TRAP1: variants seen among roughly 807,000 people sequenced by gnomAD.
TRAP1 encodes TNF receptor associated protein 1.
TRAP1 carries 102 observed loss-of-function variants against 89.1 expected under a neutral mutation model. That is an observed-to-expected ratio of 1.15 (90% CI 0.98 to 1.35). TRAP1 has a LOEUF of 1.35. TRAP1 is among the 40% of genes most tolerant of loss of function. The probability of loss-of-function intolerance (pLI) is 0.00; values close to 1 mark genes in which losing one functional copy is unlikely to be tolerated. For synonymous variants in TRAP1, 508 were observed against 388.0 expected (o/e 1.31, Z -3.64); for missense variants, 1,256 against 945.3 (o/e 1.33, Z -4.31).
chr16:3,662,958 C>T lies in TRAP1; in HGVS notation c.1718G>A (p.Cys573Tyr). 2 of 1,610,264 alleles carry T rather than the reference C, an allele frequency of 1.2e-6. No individual in the cohort carries two copies. Among genetic ancestry groups the T allele is most frequent in the Non-Finnish European group, 1.7e-6 (2 of 1,179,824 alleles). Residue 573 changes from cysteine to tyrosine, a missense_variant, in exon 15 of 18, where the codon TGC (cysteine) becomes TAC (tyrosine). Cys to Tyr is a radical substitution (Grantham distance 194). Transcript: ENST00000246957. ...CTCCTCCGTCTCCTTCTCTGATAGG[C>T]ACTCGGCGGCTGCGGAAGAGCAGGC... ...KFEDRSPAAECLSEKETEELM... is the reference protein window; with the variant it reads ...KFEDRSPAAEYLSEKETEELM...
chr16:3,667,435 T>C (rs1169793426), intron 11 of TRAP1, among the ~76,000 whole-genome samples: 1 of 151,720 alleles, frequency 6.6e-6, no homozygotes, highest in Admixed American at 6.6e-5. Context: ...ACCAGCCTGG[T>C]CAACATGGTA....
At chr16:3,683,054 G>C (rs1726826217) in intron 4 of TRAP1, among the ~76,000 whole-genome samples, 3 of 151,998 alleles carry the variant, frequency 2.0e-5, no homozygotes, top group African/African-American at 7.2e-5. Flanking sequence ...TGTAATCCCA[G>C]CTACTCGAGA....
chr16:3,672,445 C>T (rs543361659), intron 10 of TRAP1, among the ~76,000 whole-genome samples: 38 of 152,320 alleles, frequency 2.5e-4, no homozygotes, highest in African/African-American at 8.9e-4. Context: ...ACATATCAAT[C>T]TGAAACTCAG....
At chr16:3,709,227 CAAAAAAAA>C (rs58859365) in intron 1 of TRAP1, among the ~76,000 whole-genome samples, 1 of 82,398 alleles carries the variant, frequency 1.2e-5, no homozygotes, top group African/African-American at 4.1e-5. Flanking sequence ...AACTCCATCT[CAAAAAAAA>C]AAAAAAAAAA....
At position 3,670,382 on chromosome 16, in the gene TRAP1, C is replaced by CAAAAAAAAAAAAAAAAAAA. The variant is rs760902038; in HGVS notation, c.1235+1321_1235+1339dup. 1.9e-3 allele frequency among the ~76,000 whole-genome samples: 43 copies of CAAAAAAAAAAAAAAAAAAA among 22,836 alleles called. 6 individuals are homozygous for CAAAAAAAAAAAAAAAAAAA. The highest frequency in any genetic ancestry group is 2.4e-3 in the Non-Finnish European group (26 of 10,760). The allele number at this position is 22,836 out of a possible 152,430, so 15.0% of individuals were successfully genotyped here. ...TGGGCGACAGAGCAAGACTCCGTCT[C>CAAAAAAAAAAAAAAAAAAA]AAAAAAAAAAAAAAAAAAAAAAAAA... is the stretch of plus-strand genomic sequence containing the variant. On this transcript the variant is annotated intron_variant, in intron 11 of 17. Transcript: ENST00000246957.
intron 3 of TRAP1, chr16:3,687,100 G>A (rs1385630285): frequency 6.6e-6 from 1 of 152,162 alleles, no homozygotes; most frequent in East Asian, 1.9e-4. Context: ...ATCTCACCTT[G>A]AATTGTACTC....
rs2042904853 is a variant in TRAP1 at position 3,659,017 on chromosome 16, TATC to T, written c.1941-155_1941-153del. On this transcript the variant is annotated intron_variant, in intron 16 of 17. Coordinates refer to ENST00000246957, the MANE Select transcript of TRAP1 (RefSeq NM_016292.3). ...TATGTTAATGATCATTTATAGATAA[TATC>T]ATTATATACCCAGAAAACCCAAGAG... 4.5e-5 allele frequency: 33 copies of T among 729,454 alleles called. No homozygotes were observed. In the South Asian group the frequency reaches 6.3e-4, roughly 14 times the overall value. 45.2% of individuals were successfully genotyped at this position (729,454 alleles called of 1,614,324 possible).
intron 1 of TRAP1, among the ~76,000 whole-genome samples, chr16:3,714,847 T>C: frequency 6.6e-6 from 1 of 152,140 alleles, no homozygotes; most frequent in Admixed American, 6.6e-5. Context: ...TGGAAATACT[T>C]TCCCAAGAAA....
intron 1 of TRAP1, among the ~76,000 whole-genome samples, chr16:3,698,363 G>A (rs1479313067): frequency 6.7e-6 from 1 of 149,906 alleles, no homozygotes; most frequent in Non-Finnish European, 1.5e-5. Context: ...CCAGGCTGCA[G>A]TGCAGGGCGC....
intron 17 of TRAP1, 166 bp from the exon 18 acceptor site, chr16:3,658,396 A>C (rs1053820156): frequency 1.9e-5 from 12 of 643,426 alleles, no homozygotes; most frequent in African/African-American, 3.7e-5. Flanking sequence ...CTGGGATTAC[A>C]GGCGTGAGCC....
intron 1 of TRAP1, among the ~76,000 whole-genome samples, chr16:3,695,827 C>T (rs772567912): frequency 2.0e-5 from 3 of 152,060 alleles, no homozygotes; most frequent in Non-Finnish European, 4.4e-5. Context: ...CAAGATCAAG[C>T]GGAAAAGCTG....
chr16:3,677,562 T>C lies in TRAP1; in HGVS notation c.640A>G (p.Arg214Gly). 1 of 1,614,156 alleles carries C rather than the reference T, an allele frequency of 6.2e-7. No individual in the cohort carries two copies. ...GFYSAFMVAD[R>G]VEVYSRSAAP... ...GCCGAGCGGGAATAGACCTCCACTC[T>C]GTCAGCCACCATGAAAGCTGAGTAG... is the stretch of plus-strand genomic sequence containing the variant. Residue 214 changes from arginine to glycine, a missense_variant, in exon 6 of 18, where the codon AGA becomes GGA. By Grantham distance (125) the Arg-to-Gly change is moderately radical. Transcript: ENST00000246957.
chr16:3,669,566 G>A (rs1462915340), intron 11 of TRAP1, among the ~76,000 whole-genome samples: 1 of 152,058 alleles, frequency 6.6e-6, no homozygotes, highest in Non-Finnish European at 1.5e-5. Context: ...CAGGCGCGGT[G>A]GCTCACACCT....
chr16:3,682,958 C>A (rs947940969), intron 4 of TRAP1, among the ~76,000 whole-genome samples: 1 of 151,366 alleles, frequency 6.6e-6, no homozygotes, highest in Non-Finnish European at 1.5e-5. Context: ...CACACGAGGC[C>A]GGGAGTTTAA....
chr16:3,667,252 CAG>C (rs1198854640), intron 11 of TRAP1, among the ~76,000 whole-genome samples: 1 of 152,052 alleles, frequency 6.6e-6, no homozygotes, highest in Non-Finnish European at 1.5e-5. Context: ...AAGTAGGTGA[CAG>C]GGACACCCGC....
chr16:3,709,499 G>T (rs991191518), intron 1 of TRAP1, among the ~76,000 whole-genome samples: 2 of 152,140 alleles, frequency 1.3e-5, no homozygotes, highest in Non-Finnish European at 2.9e-5. Flanking sequence ...CTAAATGTCC[G>T]CCATGAGAGG....
intron 4 of TRAP1, 140 bp downstream of exon 4, chr16:3,685,856 T>A (rs1308673389): frequency 8.7e-7 from 1 of 1,155,718 alleles, no homozygotes; most frequent in East Asian, 2.4e-5. Flanking sequence ...AGTGCTACTG[T>A]AACACTAAAT....
chr16:3,659,008 TATAGATAATATCATTATA>T lies in TRAP1; in HGVS notation c.1941-161_1941-144del, dbSNP rs1237724941. The T allele has an allele frequency of 2.7e-4, 205 of 770,554 alleles. 2 individuals are homozygous for T. The highest frequency in any genetic ancestry group is 4.0e-4 in the Non-Finnish European group (192 of 476,708). The allele number at this position is 770,554 out of a possible 1,614,324, so 47.7% of individuals were successfully genotyped here. On this transcript the variant is annotated intron_variant, in intron 16 of 17. Transcript: ENST00000246957. ...TAAATAAGGTATGTTAATGATCATT[TATAGATAATATCATTATA>T]TACCCAGAAAACCCAAGAGAATCAG...
intron 4 of TRAP1, 69 bp from the exon 5 acceptor site, chr16:3,679,859 C>T (rs1377118030): frequency 6.7e-7 from 1 of 1,492,336 alleles, no homozygotes. Context: ...CACCAGCAGT[C>T]CCAGGGACTC....
Sources: allele counts gnomAD v4.1 joint callset (sites outside exome capture counted in the v4.1 genomes callset), GRCh38; gene constraint gnomAD v4.1.1; transcripts MANE v1.5; gene names NCBI Gene and HGNC (gene_info 2026-07-23, HGNC 2026-07-21).